Variants in RBFOX1 observed in about 807,000 individuals in gnomAD.
RBFOX1 encodes the protein RNA binding fox-1 homolog 1.
A neutral mutation model predicts 57.7 loss-of-function variants in RBFOX1; 8 were observed. The observed-to-expected ratio is 0.14, with a 90% CI of 0.08 to 0.25. RBFOX1 has a LOEUF of 0.25. Ranked by LOEUF, RBFOX1 falls within the 10% of genes least tolerant of loss-of-function variation. The probability of loss-of-function intolerance (pLI) is 1.00; values close to 1 mark genes in which losing one functional copy is unlikely to be tolerated. For synonymous variants in RBFOX1, 326 were observed against 222.4 expected, an observed-to-expected ratio of 1.47 and a Z score of -4.15; for missense variants, 611 against 548.5, an observed-to-expected ratio of 1.11 and a Z score of -1.14.
chr16:5,629,338 C>T (rs61285738), intron 3 of RBFOX1, among the ~76,000 whole-genome samples: 6,346 of 152,222 alleles, frequency 0.042, 450 homozygotes, highest in African/African-American at 0.14. Flanking sequence ...GATACAGCAG[C>T]TAACAAGAGC....
chr16:6,168,295 G>C (rs2096932691), intron 1 of RBFOX1, among the ~76,000 whole-genome samples: 1 of 152,176 alleles, frequency 6.6e-6, no homozygotes, highest in Non-Finnish European at 1.5e-5. Flanking sequence ...CCCAGTGGGC[G>C]ATTTTTTGGA....
chr16:5,442,095 A>C (rs2068102990), intron 1 of RBFOX1, among the ~76,000 whole-genome samples: 1 of 152,172 alleles, frequency 6.6e-6, no homozygotes, highest in African/African-American at 2.4e-5. Flanking sequence ...AGAAGTAGGC[A>C]GGGAATATAC....
chr16:5,893,691 G>A (rs9932906), intron 4 of RBFOX1, among the ~76,000 whole-genome samples: 139,276 of 151,940 alleles, frequency 0.92, 63,981 homozygotes, highest in East Asian at 0.97. Flanking sequence ...TTGTAATCCC[G>A]GTTGCTATGG....
intron 2 of RBFOX1, among the ~76,000 whole-genome samples, chr16:5,545,395 C>A (rs2045152460): frequency 1.3e-5 from 2 of 151,936 alleles, no homozygotes; most frequent in African/African-American, 4.8e-5. Context: ...CAAAACCTGA[C>A]AGAGAAATTA....
At chr16:7,355,180 C>G (rs1229711038) in intron 4 of RBFOX1, among the ~76,000 whole-genome samples, 1 of 152,130 alleles carries the variant, frequency 6.6e-6, no homozygotes, top group African/African-American at 2.4e-5. Context: ...ATTGGGAGGC[C>G]TGGATTTGAA....
chr16:5,455,708 G>T (rs1240595647), intron 1 of RBFOX1, among the ~76,000 whole-genome samples: 1 of 152,072 alleles, frequency 6.6e-6, no homozygotes, highest in East Asian at 1.9e-4. Flanking sequence ...GCCCTTTAGC[G>T]GTCACTTTCA....
Position 5,422,944 on chromosome 16 carries a change from AG to A in RBFOX1, c.220-44267del, listed in dbSNP as rs199752528. Among the ~76,000 whole-genome samples, 358 of 82,738 alleles carry A rather than the reference AG, an allele frequency of 4.3e-3. 5 individuals are homozygous for A. The highest frequency in any genetic ancestry group is 0.015 in the African/African-American group (326 of 21,046). 54.3% of individuals were successfully genotyped at this position (82,738 alleles called of 152,430 possible). A position where few individuals can be genotyped will look rare whatever the true frequency, so the allele number is the denominator to read the frequency against. ...GGAGAAGGAGGATGAGGGAGAGGGA[AG>A]GGGGAGGAAAGAGGAGGAGGAGGGA... On this transcript the variant is annotated intron_variant, in intron 1 of 2. Coordinates refer to the RBFOX1 transcript ENST00000585867.
At chr16:6,871,666 C>T (rs1347090128) in intron 3 of RBFOX1, among the ~76,000 whole-genome samples, 2 of 152,022 alleles carry the variant, frequency 1.3e-5, no homozygotes, top group Non-Finnish European at 2.9e-5. Flanking sequence ...TCTAAACTGG[C>T]CTTTCTTCCT....
chr16:6,205,995 T>A (rs1420128561), intron 1 of RBFOX1, among the ~76,000 whole-genome samples: 1 of 151,040 alleles, frequency 6.6e-6, no homozygotes, highest in Non-Finnish European at 1.5e-5. Context: ...TATTCTAGGG[T>A]CATCTAAAGA....
In RBFOX1 at chr16:6,915,643, C is replaced by T. The variant is rs148225246; in HGVS notation, c.-15-136414C>T. On this transcript the variant is annotated intron_variant, in intron 3 of 15. Transcript: ENST00000550418. ...TCAGGTCACTGCAACCTCTGCCTCT[C>T]GGGTTCAAGTGATCCTCCTGCCTCA... Among the ~76,000 whole-genome samples, 407 of 149,292 alleles carry T rather than the reference C, an allele frequency of 2.7e-3. 2 individuals carry two copies. The highest frequency in any genetic ancestry group is 9.7e-3 in the African/African-American group (395 of 40,538).
chr16:6,530,555 A>T (rs528890868), intron 2 of RBFOX1, among the ~76,000 whole-genome samples: 1 of 152,146 alleles, frequency 6.6e-6, no homozygotes, highest in African/African-American at 2.4e-5. Flanking sequence ...GTATTAGTCT[A>T]TTTTCACGCT....
rs946716068 is a variant in RBFOX1 at position 6,218,099 on chromosome 16, C to T, written c.-126-98896C>T. ...AAATTTTAAAAGGAATGTGTCCTTC[C>T]CTTTGGTGCTGTTAGAATGAGTCCC... On this transcript the variant is annotated intron_variant, in intron 1 of 15. Coordinates refer to ENST00000550418, the MANE Select transcript of RBFOX1 (RefSeq NM_018723.4). 3.3e-5 allele frequency among the ~76,000 whole-genome samples: 5 copies of T among 152,018 alleles called. No homozygotes were observed. In the South Asian group the frequency reaches 1.0e-3, roughly 32 times the overall value.
chr16:6,193,286 G>A (rs914795969), intron 1 of RBFOX1, among the ~76,000 whole-genome samples: 1 of 149,246 alleles, frequency 6.7e-6, no homozygotes, highest in African/African-American at 2.5e-5. Flanking sequence ...TGGCCAATCA[G>A]ATTATCTCTT....
At chr16:6,676,673 C>CTTTTTTTTTTTTTTTTTT (rs756578276) in intron 3 of RBFOX1, among the ~76,000 whole-genome samples, 30 of 103,568 alleles carry the variant, frequency 2.9e-4, no homozygotes, top group Non-Finnish European at 3.6e-4. Flanking sequence ...TTTTTCTTTT[C>CTTTTTTTTTTTTTTTTTT]TTTTTTTTTT....
At chr16:7,021,424 A>G (rs2061811) in intron 3 of RBFOX1, among the ~76,000 whole-genome samples, 8,310 of 145,522 alleles carry the variant, frequency 0.057, 425 homozygotes, top group East Asian at 0.2. Context: ...TTTTTTATAT[A>G]TTTGTATATA....
At chr16:6,727,971 G>C (rs1217063637) in intron 3 of RBFOX1, among the ~76,000 whole-genome samples, 1 of 152,006 alleles carries the variant, frequency 6.6e-6, no homozygotes, top group East Asian at 1.9e-4. Context: ...AAATTATTTT[G>C]GTCTCTTTAA....
chr16:5,970,945 C>G (rs764853906), intron 4 of RBFOX1, among the ~76,000 whole-genome samples: 79 of 152,332 alleles, frequency 5.2e-4, no homozygotes, highest in Non-Finnish European at 9.6e-4. Context: ...ATATCCCAAA[C>G]TGTTTTATAC....
chr16:6,883,283 T>TTGCTTAA (rs2063327394), intron 3 of RBFOX1, among the ~76,000 whole-genome samples: 1 of 152,222 alleles, frequency 6.6e-6, no homozygotes, highest in Admixed American at 6.5e-5. Flanking sequence ...TTCTTTTTGC[T>TTGCTTAA]TGCTTAATGC....
At chr16:6,864,615 T>C (rs954169206) in intron 3 of RBFOX1, among the ~76,000 whole-genome samples, 17 of 151,916 alleles carry the variant, frequency 1.1e-4, no homozygotes, top group African/African-American at 3.6e-4. Flanking sequence ...GGCAGGATAT[T>C]TGAGAATCAA....
Sources: allele counts gnomAD v4.1 joint callset (sites outside exome capture counted in the v4.1 genomes callset), GRCh38; gene constraint gnomAD v4.1.1; transcripts MANE v1.5; gene names NCBI Gene and HGNC (gene_info 2026-07-23, HGNC 2026-07-21).